KCNN2: variants seen among roughly 807,000 people sequenced by gnomAD.
KCNN2 encodes the protein potassium calcium-activated channel subfamily N member 2, also known as small conductance calcium-activated potassium channel protein 2.
In KCNN2, 24 loss-of-function variants were observed where a neutral mutation model predicts 55.5. The observed-to-expected ratio is 0.43, with a 90% CI of 0.31 to 0.61. KCNN2 has a LOEUF of 0.61. Among genes scored for constraint, KCNN2 ranks in the 20% least tolerant of loss-of-function variants. The pLI is 0.08. For missense variants in KCNN2, 754 were observed against 853.6 expected, an observed-to-expected ratio of 0.88 and a Z score of 1.45; for synonymous variants, 431 against 336.1, an observed-to-expected ratio of 1.28 and a Z score of -3.09.
intron 3 of KCNN2, among the ~76,000 whole-genome samples, chr5:114,438,456 T>C (rs1760089457): frequency 6.6e-6 from 1 of 152,160 alleles, no homozygotes; most frequent in Non-Finnish European, 1.5e-5. Context: ...GTTGCAACTT[T>C]TGATCTTTTG....
chr5:114,407,094 A>G (rs188461868), intron 3 of KCNN2, among the ~76,000 whole-genome samples: 13 of 152,162 alleles, frequency 8.5e-5, no homozygotes, highest in African/African-American at 3.1e-4. Flanking sequence ...ACAAGGATGT[A>G]ATTTAATGCA....
intron 5 of KCNN2, 165 bp from the exon 6 acceptor site, chr5:114,486,885 A>G: frequency 8.8e-7 from 1 of 1,131,604 alleles, no homozygotes; most frequent in Non-Finnish European, 1.3e-6. Flanking sequence ...AGGTACAAGT[A>G]CTTCTAAAAA....
intron 1 of KCNN2, among the ~76,000 whole-genome samples, chr5:114,186,082 A>G (rs1753326132): frequency 6.6e-6 from 1 of 152,152 alleles, no homozygotes; most frequent in African/African-American, 2.4e-5. Flanking sequence ...TTCCTGGCAA[A>G]TGTAAGTTTC....
chr5:114,180,397 TCTTC>T (rs2112552590), intron 1 of KCNN2, among the ~76,000 whole-genome samples: 1 of 152,278 alleles, frequency 6.6e-6, no homozygotes, highest in Non-Finnish European at 1.5e-5. Context: ...ACAATTATAT[TCTTC>T]CTTAAATTTC....
chr5:114,412,384 T>A (rs1045215525), intron 3 of KCNN2, among the ~76,000 whole-genome samples: 2 of 152,232 alleles, frequency 1.3e-5, no homozygotes. Context: ...TTACTTCTCT[T>A]TGTAGAACAT....
At chr5:114,263,019 T>C (rs753849592) in intron 2 of KCNN2, among the ~76,000 whole-genome samples, 1 of 152,052 alleles carries the variant, frequency 6.6e-6, no homozygotes, top group Non-Finnish European at 1.5e-5. Context: ...AAAGGAGAGA[T>C]TGTGTTTAAA....
At chr5:114,198,325 C>CAT (rs55707223) in intron 1 of KCNN2, among the ~76,000 whole-genome samples, 16 of 146,702 alleles carry the variant, frequency 1.1e-4, no homozygotes, top group Non-Finnish European at 2.1e-4. Flanking sequence ...GCACCAACCT[C>CAT]ATATATATAT....
chr5:114,236,405 A>ATTACAATTCAG (rs1262417065), intron 2 of KCNN2, among the ~76,000 whole-genome samples: 2 of 151,400 alleles, frequency 1.3e-5, no homozygotes, highest in African/African-American at 4.9e-5. Context: ...TTATAATTCA[A>ATTACAATTCAG]TTACAGTTAG....
chr5:114,193,189 C>G, intron 1 of KCNN2, among the ~76,000 whole-genome samples: 1 of 152,030 alleles, frequency 6.6e-6, no homozygotes, highest in East Asian at 1.9e-4. Context: ...CAAATGTCTC[C>G]CCTGCATGAC....
At chr5:114,132,219 G>A (rs1023902978) in intron 1 of KCNN2, among the ~76,000 whole-genome samples, 2 of 152,110 alleles carry the variant, frequency 1.3e-5, no homozygotes, top group Admixed American at 6.5e-5. Flanking sequence ...CCTATGTCCT[G>A]AATGGTAGTG....
chr5:114,312,422 C>CATAT (rs1756413633), intron 2 of KCNN2, among the ~76,000 whole-genome samples: 10 of 49,990 alleles, frequency 2.0e-4, no homozygotes, highest in Non-Finnish European at 1.5e-4. Context: ...CACACACACA[C>CATAT]ACACACACAC....
At chr5:114,413,203 A>G (rs2150075922) in intron 3 of KCNN2, among the ~76,000 whole-genome samples, 1 of 152,326 alleles carries the variant, frequency 6.6e-6, no homozygotes, top group African/African-American at 2.4e-5. Context: ...CTTTTATGGA[A>G]AGAAAAACCA....
chr5:114,081,851 A>G (rs1750827392), intron 1 of KCNN2, among the ~76,000 whole-genome samples: 2 of 152,182 alleles, frequency 1.3e-5, no homozygotes. Flanking sequence ...GGGAACAATT[A>G]TTTGCCAATC....
chr5:114,316,967 C>A (rs1330032128), intron 2 of KCNN2, among the ~76,000 whole-genome samples: 1 of 152,178 alleles, frequency 6.6e-6, no homozygotes, highest in Admixed American at 6.5e-5. Flanking sequence ...AATTCCAAAC[C>A]TTGAGCTCAT....
chr5:114,238,555 G>A (rs1239062056), intron 2 of KCNN2, among the ~76,000 whole-genome samples: 4 of 151,810 alleles, frequency 2.6e-5, no homozygotes, highest in Non-Finnish European at 5.9e-5. Context: ...GAACCCAGGA[G>A]GCAGAGGTTG....
chr5:114,448,240 T>C (rs974672666), intron 3 of KCNN2, among the ~76,000 whole-genome samples: 3 of 152,202 alleles, frequency 2.0e-5, no homozygotes, highest in Non-Finnish European at 4.4e-5. Flanking sequence ...ATTTTCTGCC[T>C]GTATAAAAAT....
At chr5:114,225,126 A>C (rs1038464658) in intron 2 of KCNN2, among the ~76,000 whole-genome samples, 1 of 152,210 alleles carries the variant, frequency 6.6e-6, no homozygotes, top group African/African-American at 2.4e-5. Flanking sequence ...ATTGATATCA[A>C]AGAAAGGATG....
At chr5:114,331,775 A>G (rs1174672581) in intron 2 of KCNN2, among the ~76,000 whole-genome samples, 1 of 152,178 alleles carries the variant, frequency 6.6e-6, no homozygotes, top group Non-Finnish European at 1.5e-5. Context: ...TAACAGGACC[A>G]ATTTTCTTCA....
At chr5:114,491,218 A>T (rs1320820649) in intron 6 of KCNN2, among the ~76,000 whole-genome samples, 1 of 152,142 alleles carries the variant, frequency 6.6e-6, no homozygotes, top group Non-Finnish European at 1.5e-5. Flanking sequence ...TTCTAGCCTG[A>T]CTTACAGAAT....
Sources: gnomAD v4.1 joint callset for allele counts (sites outside exome capture counted in the v4.1 genomes callset) on GRCh38, gnomAD v4.1.1 for gene constraint, MANE v1.5 for transcripts, NCBI Gene and HGNC (gene_info 2026-07-23, HGNC 2026-07-21) for gene names.